MMP28: variants seen among roughly 807,000 people sequenced by gnomAD.
The protein encoded by MMP28 is matrix metallopeptidase 28.
MMP28 carries 55 observed loss-of-function variants against 60.5 expected under a neutral mutation model. The observed-to-expected ratio is 0.91, with a 90% CI of 0.73 to 1.14. MMP28 has a LOEUF of 1.14. Among genes scored for constraint, MMP28 ranks in the 50% most tolerant of loss-of-function variants. The probability of loss-of-function intolerance (pLI) is 0.00; values close to 1 mark genes in which losing one functional copy is unlikely to be tolerated. For synonymous variants in MMP28, 318 were observed against 312.5 expected (o/e 1.02, Z -0.18); for missense variants, 686 against 738.3 (o/e 0.93, Z 0.82).
At position 35,779,313 on chromosome 17, in the gene MMP28, T is replaced by C; in HGVS notation, c.122A>G (p.Glu41Gly). Residue 41 changes from glutamate to glycine, a missense_variant, in exon 2 of 8, where the codon GAG (glutamate) becomes GGG (glycine). Coordinates refer to ENST00000605424, the MANE Select transcript of MMP28 (RefSeq NM_024302.5). ...ELRKEAEAFLEKYGYLNEQVP... is the reference protein window; with the variant it reads ...ELRKEAEAFLGKYGYLNEQVP... ...CTGTTCATTGAGGTATCCGTACTTCTCTAGGAATGCCTGCGGGAGAGAGGA... is the reference window on the plus strand; with the variant it reads ...CTGTTCATTGAGGTATCCGTACTTCCCTAGGAATGCCTGCGGGAGAGAGGA... The C allele has an allele frequency of 1.9e-6, 3 of 1,612,682 alleles. No individual in the cohort carries two copies. Among genetic ancestry groups the C allele is most frequent in the Non-Finnish European group, 2.5e-6 (3 of 1,179,424 alleles).
At position 35,777,360 on chromosome 17, in the gene MMP28, G is replaced by A. The variant is rs186935990; in HGVS notation, c.379+1528C>T. Among the ~76,000 whole-genome samples, 28 of 152,306 alleles carry A rather than the reference G, an allele frequency of 1.8e-4. No individual in the cohort carries two copies. In the East Asian group the frequency reaches 5.4e-3, roughly 29 times the overall value. The stretch of plus-strand genomic sequence containing the variant: ...TGACACCAAGGGCATCCTGACTCCG[G>A]AGCCGGACCCCATTGCTGACTCCTT... On this transcript the variant is annotated intron_variant, in intron 3 of 7. Coordinates refer to ENST00000605424, the MANE Select transcript of MMP28 (RefSeq NM_024302.5).
chr17:35,788,865 C>T (rs1307779268), intron 1 of MMP28, among the ~76,000 whole-genome samples: 2 of 152,154 alleles, frequency 1.3e-5, no homozygotes, highest in Non-Finnish European at 2.9e-5. Context: ...TACCCAAGCA[C>T]AGGACAGTGT....
intron 1 of MMP28, among the ~76,000 whole-genome samples, chr17:35,787,480 T>TTTTG (rs144461822): frequency 0.022 from 3,393 of 152,078 alleles, 66 homozygotes; most frequent in East Asian, 0.11. Context: ...TCCTTCAGTT[T>TTTTG]TTTGTTTGTT....
At chr17:35,760,702 C>G (rs587751342) in intron 2 of MMP28, among the ~76,000 whole-genome samples, 1 of 152,316 alleles carries the variant, frequency 6.6e-6, no homozygotes, top group African/African-American at 2.4e-5. Flanking sequence ...AAGCCATCCT[C>G]TCTTCCCCTT....
At chr17:35,785,714 T>C (rs144614140) in intron 1 of MMP28, among the ~76,000 whole-genome samples, 3,265 of 152,264 alleles carry the variant, frequency 0.021, 68 homozygotes, top group East Asian at 0.11. Flanking sequence ...CCCAAAGTGC[T>C]GGGATTACAG....
At chr17:35,778,597 C>A in intron 3 of MMP28, 2 of 518,204 alleles carry the variant, frequency 3.9e-6, no homozygotes, top group Non-Finnish European at 6.6e-6. Flanking sequence ...ATGTTAGCAA[C>A]AGTTTATCTG....
chr17:35,770,238 TCAGGGAC>T lies in MMP28; in HGVS notation c.672_678del (p.Trp224Ter), dbSNP rs1555605039. 3 of 1,591,278 alleles carry T rather than the reference TCAGGGAC, an allele frequency of 1.9e-6. No homozygotes were observed. In the South Asian group the frequency reaches 3.4e-5, roughly 18 times the overall value. On this transcript the variant is annotated frameshift_variant, in exon 5 of 8. Transcript: ENST00000605424. LOFTEE classifies it high-confidence loss of function. ...AACAGGTTGCGCCCGCGGCGGCGGC[TCAGGGAC>T]CAGCGCTCATCTTGGTCGAAGTGCG...
At chr17:35,784,833 G>GTCTA (rs1163331136) in intron 1 of MMP28, among the ~76,000 whole-genome samples, 1 of 152,194 alleles carries the variant, frequency 6.6e-6, no homozygotes, top group African/African-American at 2.4e-5. Flanking sequence ...AGGAGGCAGA[G>GTCTA]TCTAGACCAC....
chr17:35,778,803 C>A, intron 3 of MMP28, 85 bp downstream of exon 3: 11 of 1,610,986 alleles, frequency 6.8e-6, no homozygotes, highest in Non-Finnish European at 9.3e-6. Context: ...CTGACAAAGT[C>A]CAGTCCCAGG....
At chr17:35,788,460 G>A (rs540689934) in intron 1 of MMP28, among the ~76,000 whole-genome samples, 1 of 152,200 alleles carries the variant, frequency 6.6e-6, no homozygotes, top group South Asian at 2.1e-4. Context: ...CCTGGTAATT[G>A]GCTAGACAAG....
In MMP28 at chr17:35,767,893, T is replaced by TA. The variant is rs779727589; in HGVS notation, c.1026dup (p.Lys343Ter). The TA allele has an allele frequency of 3.7e-6, 6 of 1,602,908 alleles. No homozygotes were observed. The highest frequency in any genetic ancestry group is 5.1e-6 in the Non-Finnish European group (6 of 1,174,608). On this transcript the variant is annotated frameshift_variant, in exon 7 of 8. Coordinates refer to ENST00000605424, the MANE Select transcript of MMP28 (RefSeq NM_024302.5). LOFTEE classifies it high-confidence loss of function. ...GCCACCTCCCAGAAATGGCTCCCTT[T>TA]AAAAATGTACAGTTGCTGTTGCCTG... is the stretch of plus-strand genomic sequence containing the variant.
intron 1 of MMP28, among the ~76,000 whole-genome samples, chr17:35,789,094 C>A (rs1481058662): frequency 1.3e-5 from 2 of 152,220 alleles, no homozygotes; most frequent in African/African-American, 4.8e-5. Flanking sequence ...AAAGCCCACT[C>A]TGGAAAGGCC....
chr17:35,794,390 C>T (rs1032641940), intron 1 of MMP28, among the ~76,000 whole-genome samples: 47 of 151,410 alleles, frequency 3.1e-4, no homozygotes, highest in Admixed American at 9.9e-4. Context: ...GGATTACAGG[C>T]GCCTGCCACT....
chr17:35,769,018 C>T (rs2143210329), intron 5 of MMP28, among the ~76,000 whole-genome samples: 1 of 152,292 alleles, frequency 6.6e-6, no homozygotes, highest in Middle Eastern at 3.4e-3. Flanking sequence ...AGTCCAGAGA[C>T]CCAGGCTGTG....
rs1238042590 is a variant in MMP28 at position 35,795,365 on chromosome 17, C to A, written c.13G>T (p.Val5Phe). Residue 5 changes from valine (V) to phenylalanine (F), a missense_variant, in exon 1 of 8, where the codon GTC becomes TTC. Transcript: ENST00000605424. ...TGCAGGGCGCGCAGCAGGAGGCCGA[C>A]GCGCGCGACCATCTCGCCGCCTCCG... The part of the protein sequence containing the change: MVAR[V>F]GLLLRALQLL... 1.4e-6 allele frequency: 2 copies of A among 1,442,914 alleles called. No homozygotes were observed. The highest frequency in any genetic ancestry group is 1.8e-6 in the Non-Finnish European group (2 of 1,100,856). The allele number at this position is 1,442,914 out of a possible 1,614,324, so 89.4% of individuals were successfully genotyped here.
At chr17:35,764,378 G>A (rs1393159698), downstream of MMP28, 13 of 1,461,300 alleles carry the variant, frequency 8.9e-6, no homozygotes, top group Admixed American at 1.0e-4. Flanking sequence ...CCGGGCCCCA[G>A]GGAGGAGGGG....
intron 4 of MMP28, among the ~76,000 whole-genome samples, chr17:35,770,676 G>C (rs556806379): frequency 6.6e-6 from 1 of 152,070 alleles, no homozygotes; most frequent in South Asian, 2.1e-4. Context: ...GAATGATGAT[G>C]GTGAGCTTCT....
intron 5 of MMP28, among the ~76,000 whole-genome samples, chr17:35,769,163 C>T (rs1443368832): frequency 6.6e-6 from 1 of 152,252 alleles, no homozygotes; most frequent in Non-Finnish European, 1.5e-5. Flanking sequence ...TGACCCTGAG[C>T]AAGTTACCTA....
rs115438599 is a variant in MMP28 at position 35,794,640 on chromosome 17, G to A, written c.111+627C>T. 7.8e-4 allele frequency among the ~76,000 whole-genome samples: 118 copies of A among 152,162 alleles called. 1 individual carries two copies. The highest frequency in any genetic ancestry group is 2.8e-3 in the African/African-American group (115 of 41,504). On this transcript the variant is annotated intron_variant, in intron 1 of 7. Transcript: ENST00000605424. ...GCGCAACCTACAACAAGCAAGTTGA[G>A]TCCAAAGCAAGAAAATGGAAAGGGA...
Sources: allele counts gnomAD v4.1 joint callset (sites outside exome capture counted in the v4.1 genomes callset), GRCh38; gene constraint gnomAD v4.1.1; transcripts MANE v1.5; gene names NCBI Gene and HGNC (gene_info 2026-07-23, HGNC 2026-07-21).